The following BACH1 variants were observed in gnomAD, a reference collection of about 807,000 sequenced individuals.
BACH1 encodes BTB domain and CNC homolog 1.
In BACH1, 35 loss-of-function variants were observed where a neutral mutation model predicts 52.9. The observed-to-expected ratio is 0.66, with a 90% CI of 0.51 to 0.88. The LOEUF is 0.88. Among genes scored for constraint, BACH1 ranks in the 40% least tolerant of loss-of-function variants. BACH1 has a pLI of 0.00. For synonymous variants in BACH1, 321 were observed against 319.6 expected, an observed-to-expected ratio of 1.00 and a Z score of -0.05; for missense variants, 808 against 872.6, an observed-to-expected ratio of 0.93 and a Z score of 0.93.
intron 4 of BACH1, among the ~76,000 whole-genome samples, chr21:29,341,079 T>C (rs1162086621): frequency 6.6e-6 from 1 of 152,142 alleles, no homozygotes; most frequent in Non-Finnish European, 1.5e-5. Flanking sequence ...TCTCAAAATA[T>C]TACAAGGCTT....
chr21:29,301,020 C>A (rs1005201373), intron 1 of BACH1, among the ~76,000 whole-genome samples: 1 of 152,170 alleles, frequency 6.6e-6, no homozygotes, highest in Non-Finnish European at 1.5e-5. Flanking sequence ...TATGAGTCCT[C>A]ATTGCAAACA....
chr21:29,322,501 G>A (rs780439901), intron 2 of BACH1, among the ~76,000 whole-genome samples: 2 of 152,186 alleles, frequency 1.3e-5, no homozygotes, highest in Non-Finnish European at 2.9e-5. Context: ...TCTCTTTTGG[G>A]TGGGGATGTG....
At chr21:29,321,538 A>C in intron 2 of BACH1, 24 bp downstream of exon 2, 1 of 1,595,004 alleles carries the variant, frequency 6.3e-7, no homozygotes, top group Non-Finnish European at 8.6e-7. Flanking sequence ...GTTTTTGGCA[A>C]TTTTAATCTA....
chr21:29,338,554 G>T (rs1422898226), intron 4 of BACH1, among the ~76,000 whole-genome samples: 2 of 151,874 alleles, frequency 1.3e-5, no homozygotes, highest in East Asian at 3.9e-4. Flanking sequence ...TTTTTGTGAA[G>T]GTGAGGTTTC....
intron 2 of BACH1, among the ~76,000 whole-genome samples, chr21:29,358,770 AAAAGAAAGAAAG>A (rs373884402): frequency 0.02 from 2,192 of 108,896 alleles, 76 homozygotes; most frequent in African/African-American, 0.059. Context: ...AAAAGAAAAG[AAAAGAAAGAAAG>A]AAAGAAAGAA....
In BACH1 at chr21:29,342,715, C is replaced by A. The variant is rs752611412; in HGVS notation, c.2093C>A (p.Ser698Tyr). The A allele has an allele frequency of 6.2e-7, 1 of 1,614,210 alleles. No individual in the cohort carries two copies. The highest frequency in any genetic ancestry group is 1.1e-5 in the South Asian group (1 of 91,086). Residue 698 changes from serine to tyrosine, a missense_variant, in exon 5 of 5, where the codon TCC (serine) becomes TAC (tyrosine). Transcript: ENST00000286800. ...CCTGGCTACGCGCGAGGGCAGGAGT[C>A]CCAGCAGATGTCCACAGCCACCTCT... ...SEPGYARGQE[S>Y]QQMSTATSEQ...
intron 1 of BACH1, among the ~76,000 whole-genome samples, chr21:29,314,608 A>T (rs372867916): frequency 2.7e-4 from 41 of 152,300 alleles, no homozygotes; most frequent in African/African-American, 4.8e-4. Flanking sequence ...CCCCATTTTT[A>T]AAAAAGCGGT....
intron 4 of BACH1, among the ~76,000 whole-genome samples, chr21:29,340,887 G>A (rs1357957799): frequency 2.0e-5 from 3 of 150,852 alleles, no homozygotes; most frequent in African/African-American, 7.3e-5. Context: ...GATAAACTTT[G>A]CATAAGAGAA....
At chr21:29,350,707 A>G (rs1350057970), downstream of BACH1, among the ~76,000 whole-genome samples, 1 of 152,222 alleles carries the variant, frequency 6.6e-6, no homozygotes, top group East Asian at 1.9e-4. Context: ...TCAATCAGCC[A>G]GCGCACTCCA....
chr21:29,334,654 G>A (rs986981944), intron 4 of BACH1, among the ~76,000 whole-genome samples: 3 of 152,114 alleles, frequency 2.0e-5, no homozygotes, highest in Non-Finnish European at 2.9e-5. Context: ...ATCAAATATT[G>A]TTTTCGATAT....
chr21:29,342,059 T>G (rs1245197275), intron 4 of BACH1, among the ~76,000 whole-genome samples: 1 of 152,220 alleles, frequency 6.6e-6, no homozygotes, highest in Non-Finnish European at 1.5e-5. Context: ...ATAGTCTTTA[T>G]CCTACTTTCT....
chr21:29,347,527 C>T (rs190351217), downstream of BACH1, among the ~76,000 whole-genome samples: 1,625 of 152,312 alleles, frequency 0.011, 16 homozygotes, highest in Non-Finnish European at 0.015. Context: ...GAGTGTTCCC[C>T]TTTCATGCTC....
chr21:29,308,777 T>C (rs966806327), intron 1 of BACH1, among the ~76,000 whole-genome samples: 1 of 152,248 alleles, frequency 6.6e-6, no homozygotes, highest in Admixed American at 6.5e-5. Context: ...AGAACATGGA[T>C]GCTTAATCCT....
chr21:29,342,655 C>A lies in BACH1; in HGVS notation c.2033C>A (p.Ala678Glu), dbSNP rs1273962397. 4 of 1,614,074 alleles carry A rather than the reference C, an allele frequency of 2.5e-6. No individual in the cohort carries two copies. Among genetic ancestry groups the A allele is most frequent in the Non-Finnish European group, 3.4e-6 (4 of 1,180,046 alleles). The change falls in exon 5 of 5, where the codon GCA becomes GAA. Residue 678 changes from alanine (A) to glutamate (E), a missense_variant. Coordinates refer to ENST00000286800, the MANE Select transcript of BACH1 (RefSeq NM_001186.4). ...TTCAGTTTATCTGACCGGCCTCCAGCAGTGCTGCCTCCCTGTGCCAGAGGA... is the reference window on the plus strand; with the variant it reads ...TTCAGTTTATCTGACCGGCCTCCAGAAGTGCTGCCTCCCTGTGCCAGAGGA... ...SIFSLSDRPP[A>E]VLPPCARGNS...
chr21:29,301,072 T>G (rs1364004092), intron 1 of BACH1, among the ~76,000 whole-genome samples: 1 of 152,106 alleles, frequency 6.6e-6, no homozygotes, highest in African/African-American at 2.4e-5. Context: ...ATTTGGCCCT[T>G]TGGTGAAAAA....
At chr21:29,308,872 C>T (rs2088688297) in intron 1 of BACH1, among the ~76,000 whole-genome samples, 1 of 152,040 alleles carries the variant, frequency 6.6e-6, no homozygotes, top group African/African-American at 2.4e-5. Flanking sequence ...AACTATAGAC[C>T]TTGATGATTT....
intron 2 of BACH1, among the ~76,000 whole-genome samples, chr21:29,324,482 G>C (rs2088886184): frequency 6.6e-6 from 1 of 151,924 alleles, no homozygotes; most frequent in South Asian, 2.1e-4. Flanking sequence ...ACTTAGCTGA[G>C]ATTATCCAGC....
chr21:29,347,808 C>A (rs1486171691), downstream of BACH1, among the ~76,000 whole-genome samples: 3 of 152,206 alleles, frequency 2.0e-5, no homozygotes, highest in African/African-American at 7.2e-5. Flanking sequence ...CCCTAATTCT[C>A]TCCTACCTCA....
At chr21:29,347,161 G>C (rs1601373130), downstream of BACH1, among the ~76,000 whole-genome samples, 1 of 152,328 alleles carries the variant, frequency 6.6e-6, no homozygotes, top group Non-Finnish European at 1.5e-5. Flanking sequence ...GAAATAAAAA[G>C]TAGGTGAAGT....
Sources: gnomAD v4.1 joint callset for allele counts (sites outside exome capture counted in the v4.1 genomes callset) on GRCh38, gnomAD v4.1.1 for gene constraint, MANE v1.5 for transcripts, NCBI Gene and HGNC (gene_info 2026-07-23, HGNC 2026-07-21) for gene names.